The following NT5DC3 variants were observed in gnomAD, a reference collection of about 807,000 sequenced individuals.
The protein encoded by NT5DC3 is 5'-nucleotidase domain containing 3.
A neutral mutation model predicts 67.8 loss-of-function variants in NT5DC3; 42 were observed. The observed-to-expected ratio is 0.62, with a 90% CI of 0.48 to 0.80. The LOEUF (loss-of-function observed/expected upper bound fraction) is 0.80. Ranked by LOEUF, NT5DC3 falls within the 30% of genes least tolerant of loss-of-function variation. NT5DC3 has a pLI of 0.00. For synonymous variants in NT5DC3, 237 were observed against 255.6 expected (o/e 0.93, Z 0.69); for missense variants, 570 against 696.4 (o/e 0.82, Z 2.04).
chr12:103,746,771 G>C, the NT5DC3 span: 1 of 1,507,514 alleles, frequency 6.6e-7, no homozygotes, highest in Non-Finnish European at 9.2e-7. Flanking sequence ...CTTGCTCACA[G>C]TGCCTGGGCT....
chr12:103,758,434 T>TG, the NT5DC3 span: 3 of 1,379,962 alleles, frequency 2.2e-6, no homozygotes, highest in Non-Finnish European at 2.9e-6. Context: ...GCCACTCCCT[T>TG]GGTCTTGGCA....
chr12:103,793,443 ATCT>A lies in NT5DC3; in HGVS notation c.881_883del (p.Lys294del), dbSNP rs769521123. On this transcript the variant is annotated inframe_deletion, in exon 8 of 14. Transcript: ENST00000392876. ...ACTGGGGCTATTGGTGATGAGAAAC[ATCT>A]TCTTGCCATGATCAGCCAGTTTGGC... 1.2e-6 allele frequency: 2 copies of A among 1,614,248 alleles called. No homozygotes were observed. The highest frequency in any genetic ancestry group is 2.2e-5 in the East Asian group (1 of 44,892).
intron 1 of NT5DC3, among the ~76,000 whole-genome samples, chr12:103,823,011 C>T (rs1312159125): frequency 1.3e-5 from 2 of 152,236 alleles, no homozygotes; most frequent in East Asian, 3.9e-4. Context: ...AGGTGAGATA[C>T]ACTTGAAAAT....
At chr12:103,798,756 T>A (rs557268934) in intron 4 of NT5DC3, 79 bp from the exon 5 acceptor site, 1 of 1,038,626 alleles carries the variant, frequency 9.6e-7, no homozygotes, top group South Asian at 1.4e-5. Context: ...AGTGCTGGGA[T>A]TTTTCAATTG....
At chr12:103,816,015 T>C (rs979258627) in intron 1 of NT5DC3, among the ~76,000 whole-genome samples, 9 of 152,218 alleles carry the variant, frequency 5.9e-5, no homozygotes, top group Admixed American at 3.9e-4. Context: ...GTATTTTACA[T>C]AGCTAACCTC....
chr12:103,837,255 G>A (rs1037295250), intron 1 of NT5DC3, among the ~76,000 whole-genome samples: 6 of 152,196 alleles, frequency 3.9e-5, no homozygotes, highest in Non-Finnish European at 8.8e-5. Context: ...ACAGCATGGG[G>A]CCTGGGCCCA....
At chr12:103,821,069 C>T (rs1399325784) in intron 1 of NT5DC3, among the ~76,000 whole-genome samples, 1 of 152,204 alleles carries the variant, frequency 6.6e-6, no homozygotes. Flanking sequence ...ACTTCTAGAG[C>T]TGGGCACACT....
At chr12:103,794,148 C>A in intron 6 of NT5DC3, 151 bp from the exon 7 acceptor site, 32 of 488,388 alleles carry the variant, frequency 6.6e-5, no homozygotes, top group East Asian at 4.5e-4. Context: ...CCATTTTCTT[C>A]TTCTTTTTTT....
intron 1 of NT5DC3, among the ~76,000 whole-genome samples, chr12:103,823,165 G>C (rs1887557345): frequency 6.6e-6 from 1 of 151,568 alleles, no homozygotes; most frequent in Admixed American, 6.6e-5. Context: ...ATACAGATCA[G>C]GAGTCCCTGA....
In NT5DC3 at chr12:103,814,931, T is replaced by C. The variant is rs986645701; in HGVS notation, c.393+6A>G. ...GGAGAAGCCTGAAATGTCCCTGTGATCTTACCCGGTGTTCATTGATGAGAA... is the reference window on the plus strand; with the variant it reads ...GGAGAAGCCTGAAATGTCCCTGTGACCTTACCCGGTGTTCATTGATGAGAA... On this transcript the variant is annotated splice_donor_region_variant and intron_variant, in intron 2 of 13. Coordinates refer to ENST00000392876, the MANE Select transcript of NT5DC3 (RefSeq NM_001031701.3). 6.3e-7 allele frequency: 1 copy of C among 1,598,694 alleles called. No individual in the cohort carries two copies. Among genetic ancestry groups the C allele is most frequent in the African/African-American group, 1.3e-5 (1 of 74,576 alleles).
intron 4 of NT5DC3, among the ~76,000 whole-genome samples, chr12:103,799,593 T>A (rs1314937845): frequency 1.3e-5 from 2 of 152,108 alleles, no homozygotes; most frequent in Non-Finnish European, 2.9e-5. Flanking sequence ...CTCGGGTATG[T>A]GAGAACAGAC....
intron 1 of NT5DC3, among the ~76,000 whole-genome samples, chr12:103,825,080 C>CA (rs1157731066): frequency 1.2e-4 from 18 of 152,148 alleles, no homozygotes; most frequent in Admixed American, 1.2e-3. Flanking sequence ...GGCATGCCCC[C>CA]CCGGGAAGAG....
chr12:103,815,854 C>T (rs1003998713), intron 1 of NT5DC3, among the ~76,000 whole-genome samples: 12 of 152,248 alleles, frequency 7.9e-5, no homozygotes, highest in African/African-American at 2.4e-4. Context: ...TTTGCTTCAA[C>T]ATCACAAAAA....
At chr12:103,819,913 T>A (rs1004797397) in intron 1 of NT5DC3, among the ~76,000 whole-genome samples, 2 of 152,240 alleles carry the variant, frequency 1.3e-5, no homozygotes, top group African/African-American at 4.8e-5. Flanking sequence ...ACTGAAACTC[T>A]GTACCCATTA....
In NT5DC3 at chr12:103,796,901, T is replaced by A; in HGVS notation, c.746A>T (p.Asp249Val). ...IDYEPVHLYKDVKDSIRDVHI... is the reference protein window; with the variant it reads ...IDYEPVHLYKVVKDSIRDVHI... Reference sequence around the variant, plus strand: ...TCTCACTGTGGATACAACCTTGACATCTTTGTACAGATGCACAGGCTCATA... The same window carrying A: ...TCTCACTGTGGATACAACCTTGACAACTTTGTACAGATGCACAGGCTCATA... The change falls in exon 6 of 14, where the codon GAT becomes GTT. Residue 249 changes from aspartate (D) to valine (V), a missense_variant. Physicochemically the swap from Asp to Val is radical, Grantham distance 152. This residue lies in a region of NT5DC3 where 466 missense variants were observed against 608.0 expected (regional missense o/e 0.77). Transcript: ENST00000392876. 1 of 1,614,136 alleles carries A rather than the reference T, an allele frequency of 6.2e-7. No homozygotes were observed. The highest frequency in any genetic ancestry group is 8.5e-7 in the Non-Finnish European group (1 of 1,180,010).
chr12:103,767,796 C>T (rs915246099), downstream of NT5DC3, among the ~76,000 whole-genome samples: 12 of 151,814 alleles, frequency 7.9e-5, no homozygotes, highest in Non-Finnish European at 1.8e-4. Flanking sequence ...AAAATTAACA[C>T]TTGAGGTCGG....
At chr12:103,758,241 C>A in the NT5DC3 span, 2 of 1,614,126 alleles carry the variant, frequency 1.2e-6, no homozygotes, top group Non-Finnish European at 1.7e-6. Flanking sequence ...ACCTGTCCAT[C>A]CGCGGCACCC....
intron 12 of NT5DC3, among the ~76,000 whole-genome samples, chr12:103,782,890 A>G (rs1372821415): frequency 6.6e-6 from 1 of 152,016 alleles, no homozygotes; most frequent in Non-Finnish European, 1.5e-5. Flanking sequence ...GGAGGCTGAG[A>G]GAGGAGAACT....
chr12:103,779,684 A>C (rs765025150), intron 13 of NT5DC3, among the ~76,000 whole-genome samples: 6 of 152,162 alleles, frequency 3.9e-5, no homozygotes, highest in Non-Finnish European at 7.4e-5. Flanking sequence ...GGCTATACCC[A>C]GCGGCTGAAG....
Sources: allele counts gnomAD v4.1 joint callset (sites outside exome capture counted in the v4.1 genomes callset), GRCh38; gene constraint gnomAD v4.1.1; regional missense constraint gnomAD v4.1.1; transcripts MANE v1.5; gene names NCBI Gene and HGNC (gene_info 2026-07-23, HGNC 2026-07-21).